Variants in VPS13B observed in about 807,000 individuals in gnomAD.
The protein encoded by VPS13B is vacuolar protein sorting 13 homolog B.
In VPS13B, 285 loss-of-function variants were observed where a neutral mutation model predicts 426.4. The observed-to-expected ratio is 0.67, with a 90% confidence interval of 0.61 to 0.74. VPS13B has a LOEUF of 0.74. Among genes scored for constraint, VPS13B ranks in the 30% least tolerant of loss-of-function variants. VPS13B has a pLI of 0.00. For missense variants in VPS13B, 4,537 were observed against 4,782.6 expected (o/e 0.95, Z 1.51); for synonymous variants, 1,676 against 1,676.4 (o/e 1.00, Z 0.01).
At chr8:99,744,222 T>C (rs942209919) in intron 39 of VPS13B, among the ~76,000 whole-genome samples, 1 of 151,886 alleles carries the variant, frequency 6.6e-6, no homozygotes, top group African/African-American at 2.4e-5. Context: ...GAAAAAATGC[T>C]CATCATCACT....
chr8:99,187,957 C>T (rs1048931732), intron 16 of VPS13B, among the ~76,000 whole-genome samples: 1 of 151,742 alleles, frequency 6.6e-6, no homozygotes, highest in African/African-American at 2.4e-5. Context: ...TAGAGTGAGA[C>T]CCTGTCTTAA....
intron 3 of VPS13B, among the ~76,000 whole-genome samples, chr8:99,061,258 C>T (rs1441264549): frequency 3.6e-5 from 5 of 140,700 alleles, no homozygotes; most frequent in Non-Finnish European, 3.1e-5. Context: ...TGCAACAGTT[C>T]TCTGATTTTG....
intron 19 of VPS13B, among the ~76,000 whole-genome samples, chr8:99,336,521 A>G (rs1810881974): frequency 1.3e-5 from 2 of 152,200 alleles, no homozygotes; most frequent in Non-Finnish European, 2.9e-5. Context: ...AATGGGATCT[A>G]ATGAAACTAA....
intron 17 of VPS13B, chr8:99,234,248 C>T: frequency 1.3e-6 from 1 of 771,784 alleles, no homozygotes; most frequent in Non-Finnish European, 2.4e-6. Flanking sequence ...TGCTTCTTCC[C>T]TTGTTGCATA....
At chr8:99,848,977 TC>T in intron 55 of VPS13B, 83 bp downstream of exon 55, 1 of 1,259,340 alleles carries the variant, frequency 7.9e-7, no homozygotes, top group Non-Finnish European at 1.2e-6. Context: ...CTTTGTCATC[TC>T]CACATAATGT....
In VPS13B at chr8:99,779,212, G is replaced by T. The variant is rs548156453; in HGVS notation, c.7779+181G>T. 2.0e-5 allele frequency among the ~76,000 whole-genome samples: 3 copies of T among 152,224 alleles called. No homozygotes were observed. In the East Asian group the frequency reaches 5.8e-4, roughly 29 times the overall value. ...TGGCAAAGTGATGCATGTTATTTTT[G>T]AAAAACTGGAGAATATAGGTTCTCT... is the stretch of plus-strand genomic sequence containing the variant. On this transcript the variant is annotated intron_variant, in intron 42 of 61. Transcript: ENST00000357162.
chr8:99,516,026 A>G lies in VPS13B; in HGVS notation c.4633+4514A>G, dbSNP rs963848900. ...TGCATGTATCTGTATCTTTACTTAT[A>G]ATTGTACTTGCATCTCTATCTGAGG... On this transcript the variant is annotated intron_variant, in intron 29 of 61. Transcript: ENST00000357162. Among the ~76,000 whole-genome samples, 5 of 152,128 alleles carry G rather than the reference A, an allele frequency of 3.3e-5. No individual in the cohort carries two copies. In the East Asian group the frequency reaches 9.6e-4, roughly 29 times the overall value.
intron 30 of VPS13B, among the ~76,000 whole-genome samples, chr8:99,548,835 A>C (rs1824128502): frequency 6.6e-6 from 1 of 152,006 alleles, no homozygotes; most frequent in Non-Finnish European, 1.5e-5. Flanking sequence ...TTATGTAATA[A>C]GAAAGAAAAA....
intron 12 of VPS13B, among the ~76,000 whole-genome samples, chr8:99,139,434 CTTTTTT>C (rs368548690): frequency 2.9e-5 from 4 of 135,676 alleles, no homozygotes; most frequent in South Asian, 2.3e-4. Context: ...TTGATATTTC[CTTTTTT>C]TTTTTTTTTT....
chr8:99,100,770 T>C (rs1199287777), intron 4 of VPS13B, among the ~76,000 whole-genome samples: 2 of 151,950 alleles, frequency 1.3e-5, no homozygotes, highest in African/African-American at 4.8e-5. Context: ...TGGCCAGGCA[T>C]GGTGGCTCAT....
intron 12 of VPS13B, among the ~76,000 whole-genome samples, chr8:99,140,687 CCCT>C (rs60620310): frequency 1.6e-4 from 23 of 140,620 alleles, no homozygotes; most frequent in African/African-American, 4.1e-4. Context: ...CCCTTCCTCA[CCCT>C]CCTCCTCCTC....
chr8:99,403,528 G>GA (rs1192953241), intron 21 of VPS13B, among the ~76,000 whole-genome samples: 1 of 145,390 alleles, frequency 6.9e-6, no homozygotes, highest in African/African-American at 2.6e-5. Context: ...CAACCTGGGT[G>GA]ACAGAGCAAG....
At chr8:99,248,553 A>G (rs1025669035) in intron 17 of VPS13B, among the ~76,000 whole-genome samples, 6 of 152,192 alleles carry the variant, frequency 3.9e-5, no homozygotes, top group African/African-American at 1.4e-4. Flanking sequence ...GTATTAGTCC[A>G]TAAAGATTTG....
intron 36 of VPS13B, among the ~76,000 whole-genome samples, chr8:99,710,528 G>A (rs1832669591): frequency 6.6e-6 from 1 of 152,092 alleles, no homozygotes; most frequent in Non-Finnish European, 1.5e-5. Context: ...AAGGCCTGAT[G>A]TCCCATGGGC....
At chr8:99,653,863 G>A (rs192886608) in intron 34 of VPS13B, among the ~76,000 whole-genome samples, 34 of 152,012 alleles carry the variant, frequency 2.2e-4, no homozygotes, top group African/African-American at 6.8e-4. Context: ...CACATCTTAC[G>A]AGGTGCAGAG....
intron 16 of VPS13B, among the ~76,000 whole-genome samples, chr8:99,173,284 A>G (rs967764593): frequency 6.6e-6 from 1 of 152,136 alleles, no homozygotes; most frequent in Admixed American, 6.6e-5. Context: ...CAGGTGAGGC[A>G]GATACTGATC....
At chr8:99,441,966 T>C (rs967792132) in intron 22 of VPS13B, among the ~76,000 whole-genome samples, 2 of 152,182 alleles carry the variant, frequency 1.3e-5, no homozygotes, top group Non-Finnish European at 2.9e-5. Flanking sequence ...TGTTTTCTTA[T>C]ATTCTAGTCT....
intron 31 of VPS13B, among the ~76,000 whole-genome samples, chr8:99,571,923 C>T (rs1825496838): frequency 6.6e-6 from 1 of 152,124 alleles, no homozygotes; most frequent in South Asian, 2.1e-4. Flanking sequence ...TTTTGGCAGA[C>T]ACCATATAGA....
intron 35 of VPS13B, among the ~76,000 whole-genome samples, chr8:99,678,297 A>G (rs1039867004): frequency 1.3e-5 from 2 of 152,038 alleles, no homozygotes; most frequent in African/African-American, 4.8e-5. Flanking sequence ...ATAGTCCTCA[A>G]TTATGCCTGC....
Sources: allele counts gnomAD v4.1 joint callset (sites outside exome capture counted in the v4.1 genomes callset), GRCh38; gene constraint gnomAD v4.1.1; transcripts MANE v1.5; gene names NCBI Gene and HGNC (gene_info 2026-07-23, HGNC 2026-07-21).